ATP8B3: variants seen among roughly 807,000 people sequenced by gnomAD.
ATP8B3 encodes the protein phospholipid-transporting ATPase IK.
ATP8B3 carries 141 observed loss-of-function variants against 140.9 expected under a neutral mutation model. That is an observed-to-expected ratio of 1.00 (90% CI 0.87 to 1.15). The LOEUF is 1.15. Ranked by LOEUF, ATP8B3 falls within the 50% of genes most tolerant of loss-of-function variation. The probability of loss-of-function intolerance (pLI) is 0.00; values close to 1 mark genes in which losing one functional copy is unlikely to be tolerated. For synonymous variants in ATP8B3, 765 were observed against 714.6 expected (o/e 1.07, Z -1.13); for missense variants, 1,874 against 1,740.6 (o/e 1.08, Z -1.36).
chr19:1,810,527 G>C (rs1307382850), intron 3 of ATP8B3, 95 bp downstream of exon 3: 2 of 1,276,074 alleles, frequency 1.6e-6, no homozygotes, highest in East Asian at 2.8e-5. Flanking sequence ...GCCTCCCAAA[G>C]TGCCGGGATT....
At chr19:1,797,355 TGTG>T (rs1481743576) in intron 14 of ATP8B3, among the ~76,000 whole-genome samples, 1 of 150,174 alleles carries the variant, frequency 6.7e-6, no homozygotes, top group Non-Finnish European at 1.5e-5. Flanking sequence ...TGGAGCGGGA[TGTG>T]GCCCCTTCCT....
Position 1,789,689 on chromosome 19 carries a change from GGC to G in ATP8B3, c.2515_2516del (p.Ala839ProfsTer51). On this transcript the variant is annotated frameshift_variant, in exon 23 of 29. Transcript: ENST00000310127. LOFTEE classifies it high-confidence loss of function. Reference protein sequence around the residue: ...LLVSLRKEPRALAQNVNMDEA... With the variant: ...LLVSLRKEPRXLAQNVNMDEA... The stretch of plus-strand genomic sequence containing the variant: ...CGTCCATGTTCACGTTCTGCGCCAG[GGC>G]GCGCGGCTCCTTCCGCAGGGACACC... The G allele has an allele frequency of 6.3e-7, 1 of 1,592,626 alleles. No individual in the cohort carries two copies. Among genetic ancestry groups the G allele is most frequent in the South Asian group, 1.1e-5 (1 of 88,948 alleles).
chr19:1,809,565 G>A lies in ATP8B3; in HGVS notation c.402+78C>T. ...CAAATACAAGCAGAGGCAGGACTCAGGAGGAGCAAAAAATAGATTCCCCGA... is the reference window on the plus strand; with the variant it reads ...CAAATACAAGCAGAGGCAGGACTCAAGAGGAGCAAAAAATAGATTCCCCGA... On this transcript the variant is annotated intron_variant, in intron 4 of 28. Coordinates refer to ENST00000310127, the MANE Select transcript of ATP8B3 (RefSeq NM_138813.4). The A allele has an allele frequency of 2.3e-6, 3 of 1,278,648 alleles. No individual in the cohort carries two copies. The South Asian group carries it at 3.8e-5, about 16-fold the overall frequency. 79.2% of individuals were successfully genotyped at this position (1,278,648 alleles called of 1,614,324 possible).
At chr19:1,812,150 CG>C in intron 1 of ATP8B3, 35 bp downstream of exon 1, 1 of 168,152 alleles carries the variant, frequency 5.9e-6, no homozygotes, top group African/African-American at 2.4e-5. Context: ...CGCGGGCTCC[CG>C]GGGACGCACA....
chr19:1,787,303 A>C, intron 24 of ATP8B3, 117 bp from the exon 25 acceptor site: 1 of 570,360 alleles, frequency 1.8e-6, no homozygotes, highest in Non-Finnish European at 3.1e-6. Flanking sequence ...GTTACACTCA[A>C]GGTTGGGGCT....
chr19:1,795,995 G>A lies in ATP8B3; in HGVS notation c.1943-8C>T, dbSNP rs903384288. The A allele has an allele frequency of 6.2e-7, 1 of 1,613,040 alleles. No homozygotes were observed. Among genetic ancestry groups the A allele is most frequent in the Admixed American group, 1.7e-5 (1 of 60,010 alleles). ...CGCCCTCTGGCTTTCGAACTGTGGG[G>A]GAACAGGCCCTGCTGCCCACAGAGG... On this transcript the variant is annotated splice_region_variant and splice_polypyrimidine_tract_variant and intron_variant, in intron 17 of 28. Transcript: ENST00000310127.
chr19:1,806,284 C>A lies in ATP8B3; in HGVS notation c.678-115G>T, dbSNP rs1438098793. Reference sequence around the variant, plus strand: ...CGCAGCTGCAGTCCCCACCTCCGGGCCTTTGCCCCCTCAGGAAGCCTTCCC... The same window carrying A: ...CGCAGCTGCAGTCCCCACCTCCGGGACTTTGCCCCCTCAGGAAGCCTTCCC... On this transcript the variant is annotated intron_variant, in intron 7 of 28. Coordinates refer to ENST00000310127, the MANE Select transcript of ATP8B3 (RefSeq NM_138813.4). This position sits in a 1 kb window ranked among gnomAD's most constrained non-coding sequence, Gnocchi z 5.6. 10 of 1,501,926 alleles carry A rather than the reference C, an allele frequency of 6.7e-6. No individual in the cohort carries two copies. In the Admixed American group the frequency reaches 8.4e-5, roughly 13 times the overall value. The allele number at this position is 1,501,926 out of a possible 1,614,324, so 93.0% of individuals were successfully genotyped here.
intron 25 of ATP8B3, among the ~76,000 whole-genome samples, chr19:1,786,282 A>G (rs2068301666): frequency 6.6e-6 from 1 of 152,006 alleles, no homozygotes; most frequent in African/African-American, 2.4e-5. Flanking sequence ...AGATACCAGC[A>G]AGGCCAGGTG....
In ATP8B3 at chr19:1,807,625, C is replaced by T. The variant is rs1207624098; in HGVS notation, c.517-359G>A. Among the ~76,000 whole-genome samples, 1 of 152,252 alleles carries T rather than the reference C, an allele frequency of 6.6e-6. No individual in the cohort carries two copies. The highest frequency in any genetic ancestry group is 1.9e-4 in the East Asian group (1 of 5,198). ...CCAGGTCACCCTGCAGGTGTGAGCTCCACCATCCCCTACCCTGGCACCCGG... is the reference window on the plus strand; with the variant it reads ...CCAGGTCACCCTGCAGGTGTGAGCTTCACCATCCCCTACCCTGGCACCCGG... On this transcript the variant is annotated intron_variant, in intron 5 of 28. Transcript: ENST00000310127. The surrounding 1 kb of genome is among the most constrained non-coding windows in gnomAD (Gnocchi z 5.9).
At chr19:1,783,391 T>C in intron 28 of ATP8B3, 121 bp from the exon 29 acceptor site, 1 of 1,302,412 alleles carries the variant, frequency 7.7e-7, no homozygotes, top group Non-Finnish European at 1.0e-6. Flanking sequence ...GGCTACGTTC[T>C]TCCCTACCCA....
rs373162008 is a variant in ATP8B3, at chr19:1,795,971, G to A, written c.1959C>T (p.Gly653=). The A allele has an allele frequency of 2.4e-5, 38 of 1,613,074 alleles. No individual in the cohort carries two copies. The highest frequency in any genetic ancestry group is 6.7e-5 in the Admixed American group (4 of 59,994). The part of the protein sequence containing the change: ...RMSVLVRKPE[G]AICLYTKGAD... ...CGCCCTTGGTGTACAGGCAGATGGC[G>A]CCCTCTGGCTTTCGAACTGTGGGGG... The change falls in exon 18 of 29, where the codon GGC becomes GGT. Residue 653 remains glycine (G), a synonymous_variant. Coordinates refer to ENST00000310127, the MANE Select transcript of ATP8B3 (RefSeq NM_138813.4).
At chr19:1,791,522 G>A (rs1333410115) in intron 20 of ATP8B3, among the ~76,000 whole-genome samples, 2 of 151,998 alleles carry the variant, frequency 1.3e-5, no homozygotes, top group African/African-American at 2.4e-5. Flanking sequence ...TGAGTAGCTG[G>A]GATTACAGAT....
intron 11 of ATP8B3, 80 bp downstream of exon 11, chr19:1,802,407 A>ATCC: frequency 6.3e-6 from 2 of 318,102 alleles, no homozygotes; most frequent in Non-Finnish European, 1.2e-5. Context: ...CCACCCACCT[A>ATCC]CCCACCCACC....
At chr19:1,787,494 C>T (rs573097767) in intron 24 of ATP8B3, among the ~76,000 whole-genome samples, 4 of 152,132 alleles carry the variant, frequency 2.6e-5, no homozygotes, top group South Asian at 2.1e-4. Context: ...TTTGGAAGGC[C>T]GAGGCGGGCA....
In ATP8B3 at chr19:1,795,965, G is replaced by C. The variant is rs371002944; in HGVS notation, c.1965C>G (p.Ile655Met). The C allele has an allele frequency of 1.2e-6, 2 of 1,613,192 alleles. No homozygotes were observed. Among genetic ancestry groups the C allele is most frequent in the African/African-American group, 2.7e-5 (2 of 74,944 alleles). ...SVLVRKPEGA[I>M]CLYTKGADTV... The stretch of plus-strand genomic sequence containing the variant: ...TGTCGGCGCCCTTGGTGTACAGGCA[G>C]ATGGCGCCCTCTGGCTTTCGAACTG... The change falls in exon 18 of 29, where the codon ATC becomes ATG. Residue 655 changes from isoleucine (I) to methionine (M), a missense_variant. Coordinates refer to ENST00000310127, the MANE Select transcript of ATP8B3 (RefSeq NM_138813.4).
In ATP8B3 at chr19:1,790,809, C is replaced by T. The variant is rs967595373; in HGVS notation, c.2326G>A (p.Ala776Thr). 3.4e-5 allele frequency: 54 copies of T among 1,603,084 alleles called. No homozygotes were observed. The highest frequency in any genetic ancestry group is 4.6e-5 in the Non-Finnish European group (54 of 1,176,346). Residue 776 changes from alanine (A) to threonine (T), a missense_variant, in exon 21 of 29, where the codon GCC becomes ACC. Ala to Thr is a moderately conservative substitution (Grantham distance 58). This residue lies in a region of ATP8B3 where 840 missense variants were observed against 760.9 expected (regional missense o/e 1.10). Transcript: ENST00000310127. ...ATATTCTCTGACAGCAGCTCGCAGG[C>T]GAAGCCGATGTTCACAGCCGTTTCT... ...KQETAVNIGF[A>T]CELLSENMLI...
chr19:1,790,150 G>A (rs1295398864), intron 21 of ATP8B3, among the ~76,000 whole-genome samples, 161 bp from the exon 22 acceptor site: 1 of 86,386 alleles, frequency 1.2e-5, no homozygotes, highest in African/African-American at 4.6e-5. Flanking sequence ...TCCTCCTCCC[G>A]CCGCTGCCCC....
chr19:1,789,533 G>C lies in ATP8B3; in HGVS notation c.2673C>G (p.Ser891=), dbSNP rs747719959. 3.8e-6 allele frequency: 6 copies of C among 1,597,928 alleles called. No individual in the cohort carries two copies. The highest frequency in any genetic ancestry group is 2.5e-6 in the Non-Finnish European group (3 of 1,178,610). The change falls in exon 23 of 29, where the codon TCC becomes TCG. Residue 891 remains serine, a synonymous_variant. Coordinates refer to ENST00000310127, the MANE Select transcript of ATP8B3 (RefSeq NM_138813.4). ...PAQDSRARRS[S]EVLQERAFVD... is the part of the protein sequence containing the mutation. ...CGAAGGCGCGCTCCTGCAGCACCTC[G>C]GAGCTACGGCGGGCTCTGGAGTCCT...
At chr19:1,802,193 C>A in intron 11 of ATP8B3, 149 bp from the exon 12 acceptor site, 3 of 464,318 alleles carry the variant, frequency 6.5e-6, no homozygotes, top group Admixed American at 6.0e-5. Flanking sequence ...CCACCCCTCA[C>A]CCACCCATCA....
Sources: allele counts gnomAD v4.1 joint callset (sites outside exome capture counted in the v4.1 genomes callset), GRCh38; gene constraint gnomAD v4.1.1; regional missense constraint gnomAD v4.1.1; non-coding constraint Gnocchi (gnomAD v3.1); transcripts MANE v1.5; gene names NCBI Gene and HGNC (gene_info 2026-07-23, HGNC 2026-07-21).